PTPRM: variants seen among roughly 807,000 people sequenced by gnomAD.
The protein encoded by PTPRM is receptor-type tyrosine-protein phosphatase mu.
A neutral mutation model predicts 186.7 loss-of-function variants in PTPRM; 47 were observed. The ratio of observed to expected loss-of-function variants is 0.25; its 90% CI spans 0.20 to 0.32. The LOEUF (loss-of-function observed/expected upper bound fraction) is 0.32. PTPRM is among the 10% of genes least tolerant of loss of function. PTPRM has a pLI of 1.00. For missense variants in PTPRM, 1,494 were observed against 1,865.0 expected (o/e 0.80, Z 3.66); for synonymous variants, 668 against 674.9 (o/e 0.99, Z 0.16).
At chr18:7,653,487 A>G (rs1338415306) in intron 1 of PTPRM, among the ~76,000 whole-genome samples, 1 of 151,978 alleles carries the variant, frequency 6.6e-6, no homozygotes, top group African/African-American at 2.4e-5. Context: ...CCTCTTTCCC[A>G]TAGACCGCAG....
In PTPRM at chr18:7,897,194, C is replaced by T. The variant is rs373685473; in HGVS notation, c.468+8817C>T. On this transcript the variant is annotated intron_variant, in intron 3 of 32. Coordinates refer to ENST00000580170, the MANE Select transcript of PTPRM (RefSeq NM_001105244.2). ...GAGGCTAGGAGTGTTTTTGAATCTC[C>T]GGGAAGGACACATGGTGAGTGTGGG... is the stretch of plus-strand genomic sequence containing the variant. 1.1e-4 allele frequency among the ~76,000 whole-genome samples: 17 copies of T among 152,126 alleles called. 1 individual carries two copies. Among genetic ancestry groups the T allele is most frequent in the African/African-American group, 3.9e-4 (16 of 41,428 alleles).
chr18:7,936,136 C>A (rs955154561), intron 5 of PTPRM, among the ~76,000 whole-genome samples: 1 of 152,216 alleles, frequency 6.6e-6, no homozygotes, highest in Non-Finnish European at 1.5e-5. Context: ...AGAAGCCCCA[C>A]CCACTGCTGA....
At chr18:8,362,355 C>T (rs925377797) in intron 23 of PTPRM, among the ~76,000 whole-genome samples, 1 of 152,208 alleles carries the variant, frequency 6.6e-6, no homozygotes, top group Admixed American at 6.5e-5. Context: ...CCTTTAAAAA[C>T]ACTGCTCCTA....
chr18:8,080,150 C>T (rs537403782), intron 9 of PTPRM, among the ~76,000 whole-genome samples: 1 of 127,274 alleles, frequency 7.9e-6, no homozygotes, highest in Admixed American at 8.2e-5. Flanking sequence ...TTGATGGGAA[C>T]ACACATTTTG....
At chr18:8,127,483 A>G (rs113358001) in intron 13 of PTPRM, among the ~76,000 whole-genome samples, 3,196 of 147,962 alleles carry the variant, frequency 0.022, 42 homozygotes, top group Non-Finnish European at 0.036. Flanking sequence ...TGAAGGGTGA[A>G]CTAATTTTCA....
At chr18:8,287,097 T>TAA (rs369293033) in intron 19 of PTPRM, among the ~76,000 whole-genome samples, 4,124 of 147,804 alleles carry the variant, frequency 0.028, 69 homozygotes, top group Middle Eastern at 0.052. Context: ...ATGTTTGCTT[T>TAA]AAAAAAAAAA....
chr18:8,352,653 G>GTTTGTTTGTTT (rs2095541296), intron 23 of PTPRM, among the ~76,000 whole-genome samples: 1 of 121,346 alleles, frequency 8.2e-6, no homozygotes, highest in Non-Finnish European at 1.8e-5. Context: ...TTTTGGTTTG[G>GTTTGTTTGTTT]TTTTTTTTGT....
At chr18:8,102,554 C>T (rs1402386213) in intron 11 of PTPRM, among the ~76,000 whole-genome samples, 4 of 151,490 alleles carry the variant, frequency 2.6e-5, no homozygotes, top group Non-Finnish European at 2.9e-5. Context: ...ACTGCTCATC[C>T]GTTCAAGTGT....
Position 7,714,106 on chromosome 18 carries a change from A to G in PTPRM, c.74-60043A>G, listed in dbSNP as rs190879841. ...CCACGTTGCACTTACTCTAAAATTGATCACATAATTGGAAGTAAAACACTC... is the reference window on the plus strand; with the variant it reads ...CCACGTTGCACTTACTCTAAAATTGGTCACATAATTGGAAGTAAAACACTC... On this transcript the variant is annotated intron_variant, in intron 1 of 32. Transcript: ENST00000580170. Among the ~76,000 whole-genome samples, 671 of 152,312 alleles carry G rather than the reference A, an allele frequency of 4.4e-3. 2 individuals are homozygous for G. Among genetic ancestry groups the G allele is most frequent in the Middle Eastern group, 0.014 (4 of 294 alleles).
intron 13 of PTPRM, among the ~76,000 whole-genome samples, chr18:8,140,163 C>T (rs1250000283): frequency 6.6e-6 from 1 of 152,104 alleles, no homozygotes; most frequent in Non-Finnish European, 1.5e-5. Flanking sequence ...GCAGCCCGTG[C>T]TGTGGGCAGC....
At chr18:7,581,175 T>C (rs2036835863) in intron 1 of PTPRM, among the ~76,000 whole-genome samples, 1 of 152,190 alleles carries the variant, frequency 6.6e-6, no homozygotes, top group South Asian at 2.1e-4. Context: ...ATTTTTTGGC[T>C]CTTGTAACAG....
intron 1 of PTPRM, among the ~76,000 whole-genome samples, chr18:7,647,352 T>C (rs1326108513): frequency 6.6e-6 from 1 of 152,214 alleles, no homozygotes; most frequent in Non-Finnish European, 1.5e-5. Context: ...TTTTTGACAT[T>C]ATCTCTCACT....
intron 23 of PTPRM, among the ~76,000 whole-genome samples, chr18:8,353,706 A>G (rs531760320): frequency 2.0e-5 from 3 of 148,986 alleles, no homozygotes; most frequent in Non-Finnish European, 4.4e-5. Context: ...CATCTTGGAC[A>G]TGCTGAGTTT....
chr18:7,894,396 C>T (rs1207019807), intron 3 of PTPRM, among the ~76,000 whole-genome samples: 1 of 151,944 alleles, frequency 6.6e-6, no homozygotes, highest in Non-Finnish European at 1.5e-5. Context: ...ACCAGCCTGG[C>T]TAACACGGTG....
intron 2 of PTPRM, among the ~76,000 whole-genome samples, chr18:7,841,226 T>G (rs2046302678): frequency 6.6e-6 from 1 of 151,974 alleles, no homozygotes. Flanking sequence ...AATAGAATAG[T>G]TGTATTTCTA....
chr18:8,098,639 A>G (rs1411052108), intron 11 of PTPRM, among the ~76,000 whole-genome samples: 2 of 152,246 alleles, frequency 1.3e-5, no homozygotes, highest in Non-Finnish European at 2.9e-5. Context: ...TAATTGAGAA[A>G]GATTGCTTCA....
At chr18:8,399,795 C>A (rs1176242689) in intron 32 of PTPRM, 1 of 152,206 alleles carries the variant, frequency 6.6e-6, no homozygotes, top group African/African-American at 2.4e-5. Context: ...AGGCTGGACA[C>A]CAGCGGGGCT....
intron 2 of PTPRM, among the ~76,000 whole-genome samples, chr18:7,850,249 C>T (rs183209272): frequency 2.0e-5 from 3 of 152,306 alleles, no homozygotes; most frequent in Admixed American, 2.0e-4. Flanking sequence ...CCTTAAGATT[C>T]TGGGCTTTGT....
intron 22 of PTPRM, among the ~76,000 whole-genome samples, chr18:8,336,026 AAAAT>A (rs10565797): frequency 0.57 from 86,117 of 150,556 alleles, 25,344 homozygotes; most frequent in Middle Eastern, 0.74. Flanking sequence ...TGTCTCATAA[AAAAT>A]AAATAAATAA....
Sources: allele counts gnomAD v4.1 joint callset (sites outside exome capture counted in the v4.1 genomes callset), GRCh38; gene constraint gnomAD v4.1.1; transcripts MANE v1.5; gene names NCBI Gene and HGNC (gene_info 2026-07-23, HGNC 2026-07-21).